The following PCDHA1 variants were observed in gnomAD, a reference collection of about 807,000 sequenced individuals.
PCDHA1 encodes the protein protocadherin alpha-1.
In PCDHA1, 42 loss-of-function variants were observed where a neutral mutation model predicts 61.3. The ratio of observed to expected loss-of-function variants is 0.69; its 90% CI spans 0.54 to 0.89. The LOEUF (loss-of-function observed/expected upper bound fraction) is 0.89. PCDHA1 is among the 40% of genes least tolerant of loss of function. The pLI is 0.00. For missense variants in PCDHA1, 1,256 were observed against 1,235.3 expected (o/e 1.02, Z -0.25); for synonymous variants, 610 against 553.8 (o/e 1.10, Z -1.43).
chr5:140,836,692 T>C (rs1554136233), intron 1 of PCDHA1: 3 of 1,613,418 alleles, frequency 1.9e-6, no homozygotes, highest in Non-Finnish European at 2.5e-6. Flanking sequence ...ACAGACCTCA[T>C]GGCCTTCAGT....
intron 1 of PCDHA1, among the ~76,000 whole-genome samples, chr5:140,947,681 C>T (rs976876831): frequency 3.3e-5 from 5 of 151,572 alleles, no homozygotes; most frequent in Non-Finnish European, 5.9e-5. Context: ...AAAAAATTGT[C>T]TCAGCATGTT....
In PCDHA1 at chr5:140,843,265, G is replaced by T. The variant is rs2150356257; in HGVS notation, c.2394+54581G>T. ...CGGACTCTCCGCGCCACCGTCTGCT[G>T]GTCCTGGTGAAGGATCATGGTGAAC... On this transcript the variant is annotated intron_variant, in intron 1 of 3. Transcript: ENST00000504120. 33 of 1,595,976 alleles carry T rather than the reference G, an allele frequency of 2.1e-5. 4 individuals are homozygous for T. Among genetic ancestry groups the T allele is most frequent in the Non-Finnish European group, 2.7e-5 (32 of 1,165,590 alleles).
At position 140,992,017 on chromosome 5, in the gene PCDHA1, CTGTGTGTG is replaced by C. The variant is rs10602499; in HGVS notation, c.2542+9484_2542+9491del. On this transcript the variant is annotated intron_variant, in intron 3 of 3. Coordinates refer to ENST00000504120, the MANE Select transcript of PCDHA1 (RefSeq NM_018900.4). ...CTTTCATGTTCAGGCAGAGGTGGCT[CTGTGTGTG>C]TGTGTGTGTGTGTGTGTGTGTGTGT... Among the ~76,000 whole-genome samples the C allele has an allele frequency of 9.8e-4, 142 of 145,616 alleles. No homozygotes were observed. The East Asian group carries it at 1.0e-2, about 10-fold the overall frequency.
rs150949805 is a variant in PCDHA1, at chr5:141,009,832, C to T, written c.2748C>T (p.Phe916=). The stretch of plus-strand genomic sequence containing the variant: ...TTGACAAAAGTGACTTCATAACCTT[C>T]GGCAAAAAGGAGGAGACCAAGAAAA... ...SQIDKSDFIT[F]GKKEETKKKK... The change falls in exon 4 of 4, where the codon TTC becomes TTT. Residue 916 remains phenylalanine (F), a synonymous_variant. Coordinates refer to ENST00000504120, the MANE Select transcript of PCDHA1 (RefSeq NM_018900.4). The T allele has an allele frequency of 7.1e-5, 114 of 1,613,408 alleles. No individual in the cohort carries two copies. The highest frequency in any genetic ancestry group is 9.2e-5 in the Non-Finnish European group (109 of 1,179,918).
chr5:140,808,618 G>C, intron 1 of PCDHA1: 2 of 1,613,776 alleles, frequency 1.2e-6, no homozygotes, highest in Non-Finnish European at 1.7e-6. Flanking sequence ...TCTTCACTGT[G>C]TCTGCGTGGG....
At chr5:140,968,508 A>C (rs977964716) in intron 1 of PCDHA1, 1 of 1,613,950 alleles carries the variant, frequency 6.2e-7, no homozygotes, top group African/African-American at 1.3e-5. Context: ...CACATTCTGT[A>C]CCCTACCTCA....
At position 141,011,088 on chromosome 5, in the gene PCDHA1, TTCTC is replaced by T. The variant is rs375099849; in HGVS notation, c.*1165_*1168del. Reference sequence around the variant, plus strand: ...TATTACTAAATAAAATGATCTCTCTTTCTCTCTCTCTCTCTCTTTTCTAAGAAAC... The same window carrying T: ...TATTACTAAATAAAATGATCTCTCTTTCTCTCTCTCTCTTTTCTAAGAAAC... On this transcript the variant is annotated 3_prime_UTR_variant, in exon 4 of 4. Coordinates refer to ENST00000504120, the MANE Select transcript of PCDHA1 (RefSeq NM_018900.4). 16 of 152,024 alleles carry T rather than the reference TTCTC, an allele frequency of 1.1e-4. No individual in the cohort carries two copies. Among genetic ancestry groups the T allele is most frequent in the African/African-American group, 2.2e-4 (9 of 41,160 alleles). 9.4% of individuals were successfully genotyped at this position (152,024 alleles called of 1,614,324 possible).
intron 1 of PCDHA1, chr5:140,802,116 A>G: frequency 6.2e-7 from 1 of 1,614,256 alleles, no homozygotes; most frequent in Non-Finnish European, 8.5e-7. Context: ...TGTAAAGGGT[A>G]ACATAGATTT....
At chr5:140,985,999 A>G (rs932659753) in intron 3 of PCDHA1, among the ~76,000 whole-genome samples, 10 of 152,104 alleles carry the variant, frequency 6.6e-5, no homozygotes, top group Non-Finnish European at 1.5e-4. Flanking sequence ...TCAGCCTCCC[A>G]AAGTGCTGGG....
At chr5:140,829,918 T>A in intron 1 of PCDHA1, 1 of 1,613,992 alleles carries the variant, frequency 6.2e-7, no homozygotes, top group Non-Finnish European at 8.5e-7. Context: ...GGCTTTCGTA[T>A]GAGCTGCAGC....
intron 3 of PCDHA1, among the ~76,000 whole-genome samples, chr5:140,998,062 C>A (rs2097795439): frequency 6.6e-6 from 1 of 152,176 alleles, no homozygotes; most frequent in Non-Finnish European, 1.5e-5. Flanking sequence ...TCATCATCAA[C>A]AGACTTAGCC....
At chr5:140,834,506 T>A in intron 1 of PCDHA1, 1 of 1,614,072 alleles carries the variant, frequency 6.2e-7, no homozygotes, top group Non-Finnish European at 8.5e-7. Flanking sequence ...AGGCTAAACA[T>A]GGCAACTTCG....
In PCDHA1 at chr5:140,787,050, A is replaced by G. The variant is rs1469089176; in HGVS notation, c.760A>G (p.Thr254Ala). ...CGTATACAGAGTCCACTTGTTAGAGACTACAGCAAATGGAACATTAGTGAC... is the reference window on the plus strand; with the variant it reads ...CGTATACAGAGTCCACTTGTTAGAGGCTACAGCAAATGGAACATTAGTGAC... ...QAVYRVHLLETTANGTLVTTL... is the reference protein window; with the variant it reads ...QAVYRVHLLEATANGTLVTTL... The change falls in exon 1 of 4, where the codon ACT becomes GCT. Residue 254 changes from threonine (T) to alanine (A), a missense_variant. By Grantham distance (58) the Thr-to-Ala change is moderately conservative (BLOSUM62 0). Transcript: ENST00000504120. The G allele has an allele frequency of 1.2e-6, 2 of 1,614,086 alleles. No homozygotes were observed. Among genetic ancestry groups the G allele is most frequent in the African/African-American group, 1.3e-5 (1 of 74,924 alleles).
At chr5:140,849,515 T>A (rs1400528164) in intron 1 of PCDHA1, 1 of 1,596,878 alleles carries the variant, frequency 6.3e-7, no homozygotes, top group Non-Finnish European at 8.6e-7. Flanking sequence ...TTGTGGAAGT[T>A]GTGGATGTAA....
At chr5:141,005,018 T>C (rs2098193299) in intron 3 of PCDHA1, among the ~76,000 whole-genome samples, 1 of 152,250 alleles carries the variant, frequency 6.6e-6, no homozygotes, top group Non-Finnish European at 1.5e-5. Flanking sequence ...AGCTGCATTA[T>C]ATATAATTGC....
chr5:140,802,276 T>C (rs781881144), intron 1 of PCDHA1: 1 of 1,614,220 alleles, frequency 6.2e-7, no homozygotes. Context: ...TTACCTGTAT[T>C]AGAAGACTCT....
chr5:140,924,391 T>C (rs2081808127), intron 1 of PCDHA1, among the ~76,000 whole-genome samples: 1 of 152,326 alleles, frequency 6.6e-6, no homozygotes, highest in East Asian at 1.9e-4. Flanking sequence ...TTACTACTTA[T>C]ATTGCCTTAT....
At chr5:140,829,711 G>A (rs2150173108) in intron 1 of PCDHA1, 1 of 1,613,342 alleles carries the variant, frequency 6.2e-7, no homozygotes, top group Admixed American at 1.7e-5. Flanking sequence ...CGCGCGACGC[G>A]GGCGTGCCGC....
chr5:140,920,429 C>T (rs2079631906), intron 1 of PCDHA1, among the ~76,000 whole-genome samples: 1 of 152,136 alleles, frequency 6.6e-6, no homozygotes. Flanking sequence ...TTCTCCCACA[C>T]ACCTCTTTTA....
Sources: allele counts gnomAD v4.1 joint callset (sites outside exome capture counted in the v4.1 genomes callset), GRCh38; gene constraint gnomAD v4.1.1; transcripts MANE v1.5; gene names NCBI Gene and HGNC (gene_info 2026-07-23, HGNC 2026-07-21).